The following ABI3BP variants were observed in gnomAD, a reference collection of about 807,000 sequenced individuals.
The protein encoded by ABI3BP is target of Nesh-SH3.
Under a neutral mutation model 268.6 loss-of-function variants are expected in ABI3BP, and 216 were observed. The observed-to-expected ratio is 0.80, with a 90% CI of 0.72 to 0.90. The LOEUF is 0.90. ABI3BP is among the 40% of genes least tolerant of loss of function. ABI3BP has a pLI of 0.00. For synonymous variants in ABI3BP, 730 were observed against 730.0 expected (o/e 1.00, Z 0.00); for missense variants, 2,090 against 2,182.4 (o/e 0.96, Z 0.84).
At chr3:100,948,738 C>A (rs990123304) in intron 1 of ABI3BP, among the ~76,000 whole-genome samples, 8 of 152,068 alleles carry the variant, frequency 5.3e-5, no homozygotes, top group African/African-American at 1.9e-4. Flanking sequence ...GTTGAGTATC[C>A]TTTATCCTAA....
intron 6 of ABI3BP, among the ~76,000 whole-genome samples, chr3:100,878,373 C>A (rs1012269308): frequency 6.6e-6 from 1 of 152,040 alleles, no homozygotes; most frequent in Non-Finnish European, 1.5e-5. Flanking sequence ...TTTTGTGCAC[C>A]TTTCTATATT....
Position 100,762,212 on chromosome 3 carries a change from A to G in ABI3BP, c.4850+3629T>C, listed in dbSNP as rs2096007318. On this transcript the variant is annotated intron_variant, in intron 63 of 67. Coordinates refer to ENST00000471714, the MANE Select transcript of ABI3BP (RefSeq NM_001375547.2). ...TGTTAATCTTGGATCATGGTTGGGT[A>G]GAAGAAACACAATGGAAAGAAACCT... 3.3e-5 allele frequency among the ~76,000 whole-genome samples: 5 copies of G among 152,298 alleles called. No homozygotes were observed. The South Asian group carries it at 1.0e-3, about 32-fold the overall frequency.
At chr3:100,871,604 C>T (rs2099110344) in intron 9 of ABI3BP, among the ~76,000 whole-genome samples, 1 of 152,188 alleles carries the variant, frequency 6.6e-6, no homozygotes, top group Admixed American at 6.5e-5. Flanking sequence ...ACTTTGCCTG[C>T]ACAAGAGCTC....
chr3:100,811,865 G>T, intron 46 of ABI3BP, 66 bp from the exon 47 acceptor site: 2 of 1,111,996 alleles, frequency 1.8e-6, no homozygotes, highest in Non-Finnish European at 2.6e-6. Flanking sequence ...ATAGAACCCT[G>T]CATTTAATTT....
chr3:100,988,593 A>C (rs1225806672), intron 1 of ABI3BP, among the ~76,000 whole-genome samples: 1 of 152,024 alleles, frequency 6.6e-6, no homozygotes, highest in Non-Finnish European at 1.5e-5. Flanking sequence ...ATAATTCTTC[A>C]TACCTCCCAT....
intron 1 of ABI3BP, among the ~76,000 whole-genome samples, chr3:100,991,013 TA>T (rs1329051025): frequency 6.6e-6 from 1 of 152,246 alleles, no homozygotes; most frequent in Non-Finnish European, 1.5e-5. Flanking sequence ...ATTTATTGTA[TA>T]AATCTGTTAA....
Position 100,750,630 on chromosome 3 carries a change from CAT to C in ABI3BP, c.5246-22_5246-21del. 6.4e-7 allele frequency: 1 copy of C among 1,560,526 alleles called. No homozygotes were observed. The highest frequency in any genetic ancestry group is 2.2e-5 in the East Asian group (1 of 44,476). On this transcript the variant is annotated intron_variant, in intron 67 of 67. Coordinates refer to ENST00000471714, the MANE Select transcript of ABI3BP (RefSeq NM_001375547.2). Reference sequence around the variant, plus strand: ...AATAACCTGAGAGAGAAAATAGTTTCATTTTAATAGCTGCTGTATTATATTTT... The same window carrying C: ...AATAACCTGAGAGAGAAAATAGTTTCTTTAATAGCTGCTGTATTATATTTT...
chr3:100,816,852 T>C, intron 42 of ABI3BP, 84 bp from the exon 43 acceptor site: 1 of 935,774 alleles, frequency 1.1e-6, no homozygotes, highest in African/African-American at 1.7e-5. Flanking sequence ...TCATATTTCC[T>C]TGAGATTTAA....
chr3:100,809,974 G>A (rs966891649), intron 49 of ABI3BP, among the ~76,000 whole-genome samples: 1 of 152,054 alleles, frequency 6.6e-6, no homozygotes, highest in Non-Finnish European at 1.5e-5. Flanking sequence ...TGACTGGCCA[G>A]TACACCCCCT....
At chr3:100,762,089 C>T (rs1055740080) in intron 63 of ABI3BP, among the ~76,000 whole-genome samples, 6 of 151,952 alleles carry the variant, frequency 3.9e-5, no homozygotes, top group Non-Finnish European at 5.9e-5. Context: ...TGAAATATGA[C>T]TAGAGTTATT....
At chr3:100,965,504 AAC>A (rs1491576400) in intron 1 of ABI3BP, among the ~76,000 whole-genome samples, 31 of 8,948 alleles carry the variant, frequency 3.5e-3, no homozygotes, top group Admixed American at 0.01. Context: ...TTCTGAATAA[AAC>A]AAAAAAAAAA....
chr3:100,804,948 TA>T, intron 50 of ABI3BP, 82 bp from the exon 51 acceptor site: 1 of 1,121,572 alleles, frequency 8.9e-7, no homozygotes, highest in South Asian at 1.3e-5. Flanking sequence ...TGTCAAGGTG[TA>T]GCCTGAACAC....
At chr3:100,869,769 T>C (rs192457357) in intron 9 of ABI3BP, among the ~76,000 whole-genome samples, 3 of 152,312 alleles carry the variant, frequency 2.0e-5, no homozygotes, top group African/African-American at 7.2e-5. Flanking sequence ...ACACTATCTA[T>C]GCACAACTGC....
At chr3:100,804,320 T>G (rs897013961) in intron 51 of ABI3BP, among the ~76,000 whole-genome samples, 1 of 152,116 alleles carries the variant, frequency 6.6e-6, no homozygotes, top group African/African-American at 2.4e-5. Flanking sequence ...CCAAGATATG[T>G]CTCCATCAAT....
At position 100,864,886 on chromosome 3, in the gene ABI3BP, C is replaced by T. The variant is rs775517608; in HGVS notation, c.1010G>A (p.Arg337Lys). The part of the protein sequence containing the change: ...PTTVTPETVP[R>K]STKPTTSSAL... Reference sequence around the variant, plus strand: ...ACTAGACGTAGTGGGTTTAGTGCTTCTTGGAACTGTTTCAGGAGTCACTGA... The same window carrying T: ...ACTAGACGTAGTGGGTTTAGTGCTTTTTGGAACTGTTTCAGGAGTCACTGA... The change falls in exon 11 of 68, where the codon AGA (arginine) becomes AAA (lysine). Residue 337 changes from arginine (R) to lysine (K), a missense_variant. Transcript: ENST00000471714. 1 of 1,607,516 alleles carries T rather than the reference C, an allele frequency of 6.2e-7. No individual in the cohort carries two copies. The highest frequency in any genetic ancestry group is 8.5e-7 in the Non-Finnish European group (1 of 1,177,940).
At chr3:100,829,441 C>T (rs1304052513) in intron 33 of ABI3BP, 140 bp downstream of exon 33, 2 of 641,202 alleles carry the variant, frequency 3.1e-6, no homozygotes, top group Non-Finnish European at 5.1e-6. Context: ...AATTTGGCTA[C>T]CACGTCATCT....
Position 100,815,216 on chromosome 3 carries a change from T to C in ABI3BP, c.3289+696A>G, listed in dbSNP as rs1430146247. On this transcript the variant is annotated intron_variant, in intron 44 of 67. Transcript: ENST00000471714. ...ATTGAAAGCATTGTATGTAGACTTA[T>C]GTTTTCTAAAACATGTTAGATTTTC... Among the ~76,000 whole-genome samples, 4 of 152,182 alleles carry C rather than the reference T, an allele frequency of 2.6e-5. No individual in the cohort carries two copies. In the South Asian group the frequency reaches 6.2e-4, roughly 24 times the overall value.
At chr3:100,839,993 T>G in intron 23 of ABI3BP, 79 bp downstream of exon 23, 2 of 1,224,306 alleles carry the variant, frequency 1.6e-6, no homozygotes, top group South Asian at 2.6e-5. Context: ...AAAGCCCAGT[T>G]GCTCAAGTAG....
At chr3:100,818,749 G>C (rs571489616) in intron 40 of ABI3BP, among the ~76,000 whole-genome samples, 168 bp from the exon 41 acceptor site, 1 of 152,106 alleles carries the variant, frequency 6.6e-6, no homozygotes, top group African/African-American at 2.4e-5. Context: ...TTTTTTAAAA[G>C]GCACTTAGTC....
Sources: gnomAD v4.1 joint callset for allele counts (sites outside exome capture counted in the v4.1 genomes callset) on GRCh38, gnomAD v4.1.1 for gene constraint, MANE v1.5 for transcripts, NCBI Gene and HGNC (gene_info 2026-07-23, HGNC 2026-07-21) for gene names.